The following PPP1R9A variants were observed in gnomAD, a reference collection of about 807,000 sequenced individuals.
PPP1R9A encodes the protein protein phosphatase 1 regulatory subunit 9A.
In PPP1R9A, 59 loss-of-function variants were observed where a neutral mutation model predicts 141.9. The observed-to-expected ratio is 0.42, with a 90% CI of 0.34 to 0.52. The LOEUF (loss-of-function observed/expected upper bound fraction) is 0.52. PPP1R9A is among the 20% of genes least tolerant of loss of function. The probability of loss-of-function intolerance (pLI) is 0.10; values close to 1 mark genes in which losing one functional copy is unlikely to be tolerated. For missense variants in PPP1R9A, 1,444 were observed against 1,611.9 expected, an observed-to-expected ratio of 0.90 and a Z score of 1.78; for synonymous variants, 500 against 569.7, an observed-to-expected ratio of 0.88 and a Z score of 1.74.
At chr7:95,111,144 A>C in intron 2 of PPP1R9A, 115 bp from the exon 3 acceptor site, 2 of 1,157,538 alleles carry the variant, frequency 1.7e-6, no homozygotes, top group Admixed American at 5.4e-5. Flanking sequence ...TTTTAAAGAC[A>C]AAACAGTTGT....
At chr7:94,946,123 C>T (rs1795869134) in intron 2 of PPP1R9A, among the ~76,000 whole-genome samples, 1 of 152,052 alleles carries the variant, frequency 6.6e-6, no homozygotes, top group South Asian at 2.1e-4. Context: ...ATATGTAGAA[C>T]ACATTGGTAT....
chr7:95,217,903 G>C (rs1793740809), intron 7 of PPP1R9A, among the ~76,000 whole-genome samples: 1 of 151,952 alleles, frequency 6.6e-6, no homozygotes, highest in South Asian at 2.1e-4. Context: ...CAATTTTGTT[G>C]ATCTTTTCAA....
At chr7:95,147,064 G>A (rs1827760882) in intron 4 of PPP1R9A, among the ~76,000 whole-genome samples, 1 of 152,104 alleles carries the variant, frequency 6.6e-6, no homozygotes, top group African/African-American at 2.4e-5. Context: ...GGAATACATT[G>A]AATCTGTAAA....
chr7:94,968,266 G>T (rs1584436992), intron 2 of PPP1R9A, among the ~76,000 whole-genome samples: 1 of 151,448 alleles, frequency 6.6e-6, no homozygotes, highest in Non-Finnish European at 1.5e-5. Flanking sequence ...TCCGCCTCCC[G>T]GGTTCACGCC....
At chr7:95,053,686 A>G (rs1242039846) in intron 2 of PPP1R9A, among the ~76,000 whole-genome samples, 3 of 152,206 alleles carry the variant, frequency 2.0e-5, no homozygotes, top group Non-Finnish European at 4.4e-5. Context: ...TGGCAGCTCA[A>G]TACAGAATCT....
intron 2 of PPP1R9A, among the ~76,000 whole-genome samples, chr7:94,992,678 G>A (rs1302315878): frequency 6.6e-6 from 1 of 152,152 alleles, no homozygotes; most frequent in Non-Finnish European, 1.5e-5. Flanking sequence ...TAGATATGTA[G>A]TAGAATGTTA....
At chr7:95,275,376 C>T (rs1178200105) in intron 16 of PPP1R9A, among the ~76,000 whole-genome samples, 1 of 149,600 alleles carries the variant, frequency 6.7e-6, no homozygotes, top group Non-Finnish European at 1.5e-5. Context: ...CCACTGCACT[C>T]CTGGGCGATA....
intron 9 of PPP1R9A, among the ~76,000 whole-genome samples, chr7:95,249,360 A>G (rs1436538736): frequency 2.6e-5 from 4 of 152,168 alleles, no homozygotes; most frequent in Admixed American, 2.6e-4. Context: ...AGATCACCAA[A>G]AGGGTTAAAA....
At chr7:94,913,278 C>T (rs1791671237) in intron 2 of PPP1R9A, among the ~76,000 whole-genome samples, 1 of 152,066 alleles carries the variant, frequency 6.6e-6, no homozygotes. Context: ...TGAAATGTGT[C>T]TGTTTATATG....
chr7:94,994,677 CGAGG>C (rs1223197762), intron 2 of PPP1R9A, among the ~76,000 whole-genome samples: 2 of 151,936 alleles, frequency 1.3e-5, no homozygotes, highest in Non-Finnish European at 1.5e-5. Flanking sequence ...AGACGGATCA[CGAGG>C]TCAAGAGATT....
chr7:95,190,236 C>T (rs1835297115), intron 5 of PPP1R9A, among the ~76,000 whole-genome samples: 1 of 152,172 alleles, frequency 6.6e-6, no homozygotes, highest in African/African-American at 2.4e-5. Flanking sequence ...TGGTACATTT[C>T]TTCTTTCCCT....
At chr7:95,033,701 A>T (rs1048224664) in intron 2 of PPP1R9A, among the ~76,000 whole-genome samples, 11 of 152,086 alleles carry the variant, frequency 7.2e-5, no homozygotes, top group Non-Finnish European at 1.5e-4. Flanking sequence ...TGTGTCAGAG[A>T]AGGATCCAAT....
chr7:95,194,838 A>G (rs1237444747), intron 5 of PPP1R9A, among the ~76,000 whole-genome samples: 1 of 152,040 alleles, frequency 6.6e-6, no homozygotes, highest in Non-Finnish European at 1.5e-5. Flanking sequence ...GAATATAGAG[A>G]TACACCATGT....
chr7:95,166,045 A>G (rs1831195252), intron 5 of PPP1R9A, among the ~76,000 whole-genome samples: 1 of 150,312 alleles, frequency 6.7e-6, no homozygotes. Flanking sequence ...GCTACTTGGG[A>G]GGCTGAGGCA....
chr7:95,060,320 G>A (rs1812060126), intron 2 of PPP1R9A, among the ~76,000 whole-genome samples: 1 of 152,162 alleles, frequency 6.6e-6, no homozygotes, highest in Non-Finnish European at 1.5e-5. Flanking sequence ...GCTTGAGTCA[G>A]CCATGCTTTA....
At chr7:95,135,854 C>CTTTTTTTTTTTTTTTTT (rs58872136) in intron 4 of PPP1R9A, among the ~76,000 whole-genome samples, 2 of 73,078 alleles carry the variant, frequency 2.7e-5, no homozygotes, top group African/African-American at 5.7e-5. Flanking sequence ...TTCAGCTTTA[C>CTTTTTTTTTTTTTTTTT]TTTTTTTTTT....
intron 17 of PPP1R9A, among the ~76,000 whole-genome samples, chr7:95,284,606 T>C (rs879487681): frequency 1.3e-5 from 2 of 152,210 alleles, no homozygotes; most frequent in African/African-American, 2.4e-5. Context: ...TCTCAAGATT[T>C]ACTGAAAAGC....
rs576272112 is a variant in PPP1R9A, at chr7:95,238,051, G to C, written c.2113-9422G>C. ...ACTTAGTCTTAGGTTATTTTTTCCTGGCAATATATAAAGCAGATCAATATC... is the reference window on the plus strand; with the variant it reads ...ACTTAGTCTTAGGTTATTTTTTCCTCGCAATATATAAAGCAGATCAATATC... On this transcript the variant is annotated intron_variant, in intron 8 of 19. Coordinates refer to ENST00000433360, the MANE Select transcript of PPP1R9A (RefSeq NM_001166160.2). 5.1e-4 allele frequency among the ~76,000 whole-genome samples: 78 copies of C among 151,878 alleles called. 2 individuals carry two copies. The highest frequency in any genetic ancestry group is 1.9e-3 in the African/African-American group (77 of 41,430).
At chr7:95,057,064 A>G (rs117791559) in intron 2 of PPP1R9A, among the ~76,000 whole-genome samples, 8 of 152,280 alleles carry the variant, frequency 5.3e-5, no homozygotes, top group Admixed American at 2.6e-4. Flanking sequence ...CTTAGAAAAG[A>G]AAAAGAGGAA....
Sources: gnomAD v4.1 joint callset for allele counts (sites outside exome capture counted in the v4.1 genomes callset) on GRCh38, gnomAD v4.1.1 for gene constraint, MANE v1.5 for transcripts, NCBI Gene and HGNC (gene_info 2026-07-23, HGNC 2026-07-21) for gene names.